Variants in GLI2 observed in about 807,000 individuals in gnomAD.
GLI2 encodes GLI family zinc finger 2.
Under a neutral mutation model 78.9 loss-of-function variants are expected in GLI2, and 22 were observed. The ratio of observed to expected loss-of-function variants is 0.28; its 90% CI spans 0.20 to 0.40. The LOEUF (loss-of-function observed/expected upper bound fraction) is 0.40. Ranked by LOEUF, GLI2 falls within the 10% of genes least tolerant of loss-of-function variation. The probability of loss-of-function intolerance (pLI) is 1.00; values close to 1 mark genes in which losing one functional copy is unlikely to be tolerated. For missense variants in GLI2, 2,097 were observed against 2,213.2 expected, an observed-to-expected ratio of 0.95 and a Z score of 1.05; for synonymous variants, 974 against 963.7, an observed-to-expected ratio of 1.01 and a Z score of -0.20.
intron 3 of GLI2, among the ~76,000 whole-genome samples, chr2:120,938,136 G>A (rs866393302): frequency 9.2e-5 from 14 of 152,164 alleles, no homozygotes; most frequent in South Asian, 2.1e-4. Flanking sequence ...GGTCAGTGGT[G>A]CAGTTCACCT....
rs753361318 is a variant in GLI2 at position 120,989,287 on chromosome 2, G to A, written c.3322G>A (p.Gly1108Arg). The change falls in exon 14 of 14, where the codon GGA becomes AGA. Residue 1108 changes from glycine (G) to arginine (R), a missense_variant. Gly to Arg is a moderately radical substitution (Grantham distance 125). Around this residue, in one of 5 missense-constraint regions of GLI2, gnomAD observed 1,290 missense variants for 1,261.7 expected, o/e 1.02. Transcript: ENST00000361492. Reference protein sequence around the residue: ...SNVGPSAPMLGGCQLGFGAPS... With the variant: ...SNVGPSAPMLRGCQLGFGAPS... Reference sequence around the variant, plus strand: ...CGTGGGCCCCTCCGCCCCTATGCTGGGAGGATGCCAGTTAGGCTTTGGGGC... The same window carrying A: ...CGTGGGCCCCTCCGCCCCTATGCTGAGAGGATGCCAGTTAGGCTTTGGGGC... 6.2e-7 allele frequency: 1 copy of A among 1,613,110 alleles called. No homozygotes were observed. The highest frequency in any genetic ancestry group is 8.5e-7 in the Non-Finnish European group (1 of 1,180,022).
intron 2 of GLI2, among the ~76,000 whole-genome samples, chr2:120,869,838 C>G (rs1299430571): frequency 6.6e-6 from 1 of 152,090 alleles, no homozygotes; most frequent in African/African-American, 2.4e-5. Context: ...AGGACACCCC[C>G]TCCTGAGCTC....
intron 2 of GLI2, among the ~76,000 whole-genome samples, chr2:120,816,395 A>G (rs920981331): frequency 4.6e-5 from 7 of 151,940 alleles, no homozygotes; most frequent in African/African-American, 7.3e-5. Context: ...GGGTTTTGCC[A>G]TGTTGGCCAG....
intron 3 of GLI2, among the ~76,000 whole-genome samples, chr2:120,928,854 C>T (rs974148192): frequency 5.3e-5 from 8 of 152,250 alleles, no homozygotes; most frequent in Non-Finnish European, 7.3e-5. Context: ...CGCAGCTCCT[C>T]AAATGTGGGC....
intron 1 of GLI2, among the ~76,000 whole-genome samples, chr2:120,752,979 T>C (rs1191892577): frequency 6.6e-6 from 1 of 152,190 alleles, no homozygotes; most frequent in Non-Finnish European, 1.5e-5. Flanking sequence ...AAGGTTGCAT[T>C]GAATAACCTT....
chr2:120,891,685 C>T (rs1295149197), intron 2 of GLI2, among the ~76,000 whole-genome samples: 3 of 152,114 alleles, frequency 2.0e-5, no homozygotes, highest in East Asian at 3.9e-4. Flanking sequence ...TCTGGGGAGC[C>T]GGCTATGCTC....
intron 2 of GLI2, among the ~76,000 whole-genome samples, chr2:120,851,859 T>C (rs549665885): frequency 1.3e-5 from 2 of 152,332 alleles, no homozygotes; most frequent in East Asian, 3.9e-4. Flanking sequence ...AACTGGGAGA[T>C]GCCCCCCACT....
At chr2:120,877,291 C>T (rs999780223) in intron 2 of GLI2, among the ~76,000 whole-genome samples, 1 of 152,182 alleles carries the variant, frequency 6.6e-6, no homozygotes, top group Non-Finnish European at 1.5e-5. Context: ...TTCTCCAGGG[C>T]CTTGTGTGTA....
chr2:120,887,519 G>A (rs540440045), intron 2 of GLI2, among the ~76,000 whole-genome samples: 131 of 152,398 alleles, frequency 8.6e-4, no homozygotes, highest in African/African-American at 3.0e-3. Context: ...TTTGAGGTTA[G>A]GCTTGAGTCA....
Position 120,955,274 on chromosome 2 carries a change from C to A in GLI2, c.487C>A (p.Leu163Met). The change falls in exon 5 of 14, where the codon CTG becomes ATG. Residue 163 changes from leucine to methionine, a missense_variant. This residue lies in a region of GLI2 where 578 missense variants were observed against 612.0 expected (regional missense o/e 0.94). Coordinates refer to ENST00000361492, the MANE Select transcript of GLI2 (RefSeq NM_001374353.1). ...CCAGGAGCACCTTAAGGAGAGGGGA[C>A]TGTTTGGCCTTCCTGCTCCAGGCAC... ...VAQEHLKERG[L>M]FGLPAPGTTP... 1 of 1,601,978 alleles carries A rather than the reference C, an allele frequency of 6.2e-7. No homozygotes were observed. The highest frequency in any genetic ancestry group is 8.5e-7 in the Non-Finnish European group (1 of 1,175,150).
chr2:120,752,006 T>C (rs137942277), intron 1 of GLI2, among the ~76,000 whole-genome samples: 268 of 152,312 alleles, frequency 1.8e-3, no homozygotes, highest in African/African-American at 6.2e-3. Flanking sequence ...TGCAGAAATG[T>C]ATAGTGTTGA....
intron 2 of GLI2, among the ~76,000 whole-genome samples, chr2:120,842,882 CTTG>C (rs1256381726): frequency 1.3e-5 from 2 of 152,146 alleles, no homozygotes; most frequent in African/African-American, 2.4e-5. Flanking sequence ...TAATAGTTTT[CTTG>C]TTGTTTTTGA....
intron 1 of GLI2, among the ~76,000 whole-genome samples, chr2:120,740,382 A>ACAG (rs1682493330): frequency 4.0e-5 from 6 of 151,584 alleles, no homozygotes; most frequent in African/African-American, 1.5e-4. Context: ...TGTTTTGGGG[A>ACAG]TTTGGGTTTA....
intron 2 of GLI2, among the ~76,000 whole-genome samples, chr2:120,815,990 GT>G (rs1685475547): frequency 6.6e-6 from 1 of 152,114 alleles, no homozygotes; most frequent in African/African-American, 2.4e-5. Context: ...GGGGTTGGAG[GT>G]GGGTTGTATG....
At chr2:120,770,750 T>C (rs983446208) in intron 1 of GLI2, among the ~76,000 whole-genome samples, 2 of 152,148 alleles carry the variant, frequency 1.3e-5, no homozygotes, top group Non-Finnish European at 2.9e-5. Flanking sequence ...TGGTCACCAA[T>C]GGAAAGTGCT....
At chr2:120,928,837 T>C (rs79442176) in intron 3 of GLI2, among the ~76,000 whole-genome samples, 8,128 of 152,328 alleles carry the variant, frequency 0.053, 690 homozygotes, top group African/African-American at 0.18. Context: ...TTCTTGTATA[T>C]GCTTCACGCA....
Position 120,988,284 on chromosome 2 carries a change from G to A in GLI2, c.2319G>A (p.Glu773=), listed in dbSNP as rs1280440804. ...TGCTGCCGAACCCGCGGCTGTCGGA[G>A]CTGTCCGCGAGCGAGGTGACCATGC... ...AGLLPNPRLS[E]LSASEVTMLS... Residue 773 remains glutamate, a synonymous_variant, in exon 14 of 14, where the codon GAG becomes GAA. Coordinates refer to ENST00000361492, the MANE Select transcript of GLI2 (RefSeq NM_001374353.1). 1 of 1,566,584 alleles carries A rather than the reference G, an allele frequency of 6.4e-7. No homozygotes were observed. Among genetic ancestry groups the A allele is most frequent in the Non-Finnish European group, 8.6e-7 (1 of 1,161,746 alleles).
intron 1 of GLI2, among the ~76,000 whole-genome samples, chr2:120,747,298 GACACAC>G (rs1386734509): frequency 6.6e-6 from 1 of 152,184 alleles, no homozygotes; most frequent in Admixed American, 6.5e-5. Flanking sequence ...TGCATGCTCA[GACACAC>G]ACAAGCCACT....
At chr2:120,984,168 C>G (rs1272133576) in intron 11 of GLI2, among the ~76,000 whole-genome samples, 1 of 152,146 alleles carries the variant, frequency 6.6e-6, no homozygotes, top group Admixed American at 6.5e-5. Flanking sequence ...ACCCCACTGC[C>G]CTGTTCATTG....
Sources: allele counts gnomAD v4.1 joint callset (sites outside exome capture counted in the v4.1 genomes callset), GRCh38; gene constraint gnomAD v4.1.1; regional missense constraint gnomAD v4.1.1; transcripts MANE v1.5; gene names NCBI Gene and HGNC (gene_info 2026-07-23, HGNC 2026-07-21).